Variants in RBSN observed in about 807,000 individuals in gnomAD.
The protein encoded by RBSN is rabenosyn-5.
Under a neutral mutation model 60.5 loss-of-function variants are expected in RBSN, and 34 were observed. The observed-to-expected ratio is 0.56, with a 90% CI of 0.43 to 0.75. The LOEUF (loss-of-function observed/expected upper bound fraction) is 0.75, where lower values mean the gene tolerates loss of function less well. RBSN is among the 30% of genes least tolerant of loss of function. The pLI is 0.00. For missense variants in RBSN, 845 were observed against 986.8 expected (o/e 0.86, Z 1.92); for synonymous variants, 322 against 366.9 (o/e 0.88, Z 1.40).
chr3:15,077,629 C>G lies in RBSN; in HGVS notation c.998+446G>C, dbSNP rs1311329073. On this transcript the variant is annotated intron_variant, in intron 11 of 13. Coordinates refer to ENST00000253699, the MANE Select transcript of RBSN (RefSeq NM_022340.4). The surrounding 1 kb of genome is among the most constrained non-coding windows in gnomAD (Gnocchi z 4.4). ...CCTCTGAGTCACTGGCTAATTTAAC[C>G]CCAATGGCCAGTCCACAGTTAAAAA... Among the ~76,000 whole-genome samples the G allele has an allele frequency of 6.6e-6, 1 of 152,158 alleles. No individual in the cohort carries two copies. Among genetic ancestry groups the G allele is most frequent in the Admixed American group, 6.5e-5 (1 of 15,278 alleles).
At chr3:15,088,889 G>C (rs1286003070) in intron 5 of RBSN, among the ~76,000 whole-genome samples, 1 of 152,154 alleles carries the variant, frequency 6.6e-6, no homozygotes, top group African/African-American at 2.4e-5. Context: ...CAGCACAGTT[G>C]TAGGACTTTC....
chr3:15,088,372 T>C (rs545647160), intron 5 of RBSN, among the ~76,000 whole-genome samples: 8 of 149,340 alleles, frequency 5.4e-5, no homozygotes, highest in Non-Finnish European at 1.0e-4. Context: ...TACATATGTA[T>C]AGTATTATTA....
intron 13 of RBSN, 180 bp from the exon 14 acceptor site, chr3:15,075,110 G>A (rs944268434): frequency 4.2e-6 from 3 of 721,878 alleles, no homozygotes; most frequent in African/African-American, 1.8e-5. Context: ...TGGGCGGAAG[G>A]GAGACCCTGA....
At position 15,085,976 on chromosome 3, in the gene RBSN, G is replaced by A; in HGVS notation, c.290-15C>T. 3 of 1,605,302 alleles carry A rather than the reference G, an allele frequency of 1.9e-6. No homozygotes were observed. Among genetic ancestry groups the A allele is most frequent in the Non-Finnish European group, 2.6e-6 (3 of 1,174,082 alleles). ...TCTCACAGCACCTAGAGGGAAGGAA[G>A]GTAGGGAGACAAATGACTTATAGTT... On this transcript the variant is annotated splice_polypyrimidine_tract_variant and intron_variant, in intron 5 of 13. Coordinates refer to ENST00000253699, the MANE Select transcript of RBSN (RefSeq NM_022340.4).
chr3:15,087,447 T>C (rs142762551), intron 5 of RBSN, among the ~76,000 whole-genome samples: 125 of 152,248 alleles, frequency 8.2e-4, no homozygotes, highest in Non-Finnish European at 1.4e-3. Flanking sequence ...GAGGCAAAGG[T>C]TGCAGTGAGC....
intron 2 of RBSN, among the ~76,000 whole-genome samples, chr3:15,097,349 T>C (rs2043687706): frequency 6.6e-6 from 1 of 151,982 alleles, no homozygotes; most frequent in African/African-American, 2.4e-5. Context: ...ACCCTATCTC[T>C]ACTAAAAATA....
Position 15,080,788 on chromosome 3 carries a change from G to A in RBSN, c.855C>T (p.Cys285=). 6.2e-7 allele frequency: 1 copy of A among 1,614,046 alleles called. No homozygotes were observed. The highest frequency in any genetic ancestry group is 8.5e-7 in the Non-Finnish European group (1 of 1,179,976). Residue 285 remains cysteine (C), a synonymous_variant, in exon 10 of 14, where the codon TGC becomes TGT. Transcript: ENST00000253699. ...IVKLYEKLRL[C]MEKVDQKAPE... is the part of the protein sequence containing the mutation. ...GAGCTTTCTGGTCAACTTTCTCCAT[G>A]CAAAGTCGTAATTTCTAAGAACAAA... is the stretch of plus-strand genomic sequence containing the variant.
At chr3:15,089,478 C>G (rs7429028) in intron 5 of RBSN, among the ~76,000 whole-genome samples, 1 of 79,264 alleles carries the variant, frequency 1.3e-5, no homozygotes. Context: ...AAAAAAAAAA[C>G]AAAAAAAAAA....
At chr3:15,078,349 G>A (rs534458366) in intron 10 of RBSN, among the ~76,000 whole-genome samples, 188 bp from the exon 11 acceptor site, 4 of 152,244 alleles carry the variant, frequency 2.6e-5, no homozygotes, top group Admixed American at 6.5e-5. Flanking sequence ...GTGATGTTTC[G>A]ATTTGCAGAC....
In RBSN at chr3:15,084,193, A is replaced by G. The variant is rs1036349080; in HGVS notation, c.598+542T>C. On this transcript the variant is annotated intron_variant, in intron 8 of 13. Coordinates refer to ENST00000253699, the MANE Select transcript of RBSN (RefSeq NM_022340.4). The surrounding 1 kb of genome is among the most constrained non-coding windows in gnomAD (Gnocchi z 4.2). ...AAGTGCAGTGGCTCAATCTCAGCTC[A>G]CTGCAGCCTTCACCTCCCAGGTTCA... Among the ~76,000 whole-genome samples, 2 of 152,140 alleles carry G rather than the reference A, an allele frequency of 1.3e-5. No individual in the cohort carries two copies. Among genetic ancestry groups the G allele is most frequent in the Admixed American group, 1.3e-4 (2 of 15,274 alleles).
intron 5 of RBSN, among the ~76,000 whole-genome samples, chr3:15,089,475 AAAC>A: frequency 2.7e-5 from 3 of 111,238 alleles, no homozygotes; most frequent in African/African-American, 1.4e-4. Context: ...AAAAAAAAAA[AAAC>A]AAAAAAAAAA....
At position 15,082,303 on chromosome 3, in the gene RBSN, T is replaced by C. The variant is rs1321510856; in HGVS notation, c.840+64A>G. The C allele has an allele frequency of 1.3e-6, 2 of 1,571,620 alleles. No individual in the cohort carries two copies. The highest frequency in any genetic ancestry group is 1.3e-5 in the African/African-American group (1 of 74,196). ...AAGCATTCTCCAGAATCTGCAGGAG[T>C]GTACATAACAAACAGCCAAATCTGC... On this transcript the variant is annotated intron_variant, in intron 9 of 13. Coordinates refer to ENST00000253699, the MANE Select transcript of RBSN (RefSeq NM_022340.4). The surrounding 1 kb of genome is among the most constrained non-coding windows in gnomAD (Gnocchi z 4.2).
rs2125189201 is a variant in RBSN at position 15,096,148 on chromosome 3, G to A, written c.-28C>T. 1.3e-6 allele frequency: 2 copies of A among 1,530,034 alleles called. No individual in the cohort carries two copies. The highest frequency in any genetic ancestry group is 1.8e-6 in the Non-Finnish European group (2 of 1,142,400). The allele number at this position is 1,530,034 out of a possible 1,614,324, so 94.8% of individuals were successfully genotyped here. ...CAGTGCCGCTCTCAACCCTAGGAAG[G>A]CAGGAATCTCATGCCAAGAGTCAGC... is the stretch of plus-strand genomic sequence containing the variant. On this transcript the variant is annotated 5_prime_UTR_variant, in exon 4 of 14. Transcript: ENST00000253699.
chr3:15,082,283 T>C lies in RBSN; in HGVS notation c.840+84A>G. 6.6e-7 allele frequency: 1 copy of C among 1,521,882 alleles called. No homozygotes were observed. Among genetic ancestry groups the C allele is most frequent in the Non-Finnish European group, 9.0e-7 (1 of 1,115,768 alleles). The allele number at this position is 1,521,882 out of a possible 1,614,324, so 94.3% of individuals were successfully genotyped here. A position where few individuals can be genotyped will look rare whatever the true frequency, so the allele number is the denominator to read the frequency against. ...TTCAAACGAACAACTTCCCAAAGCA[T>C]TCTCCAGAATCTGCAGGAGTGTACA... On this transcript the variant is annotated intron_variant, in intron 9 of 13. Coordinates refer to ENST00000253699, the MANE Select transcript of RBSN (RefSeq NM_022340.4). The surrounding 1 kb of genome is among the most constrained non-coding windows in gnomAD (Gnocchi z 4.2).
Position 15,084,871 on chromosome 3 carries a change from C to T in RBSN, c.462G>A (p.Trp154Ter). 1.2e-6 allele frequency: 2 copies of T among 1,613,764 alleles called. No homozygotes were observed. Among genetic ancestry groups the T allele is most frequent in the Non-Finnish European group, 1.7e-6 (2 of 1,179,852 alleles). The change falls in exon 8 of 14, where the codon TGG (tryptophan) becomes TGA (stop). Residue 154 changes from tryptophan (W) to a stop codon, truncating the protein, a stop_gained. Coordinates refer to ENST00000253699, the MANE Select transcript of RBSN (RefSeq NM_022340.4). LOFTEE classifies it high-confidence loss of function. The surrounding 1 kb of genome is among the most constrained non-coding windows in gnomAD (Gnocchi z 4.2). ...IRAIEKSVVPWVNDQDVPFCP... is the reference protein window; with the variant it reads ...IRAIEKSVVP ...AGAAAGGGACATCCTGGTCGTTGACCCAAGGCACCACAGACTTTTCTATTG... is the reference window on the plus strand; with the variant it reads ...AGAAAGGGACATCCTGGTCGTTGACTCAAGGCACCACAGACTTTTCTATTG...
At position 15,080,744 on chromosome 3, in the gene RBSN, G is replaced by A. The variant is rs1165785535; in HGVS notation, c.899C>T (p.Ala300Val). ...DQKAPEYIRM[A>V]ASLNAGETTY... ...ATGAATAGCTTACTTTAATGATGCT[G>A]CCATCCTGATGTATTCTGGAGCTTT... The change falls in exon 10 of 14, where the codon GCA (alanine) becomes GTA (valine). Residue 300 changes from alanine (A) to valine (V), a missense_variant. Transcript: ENST00000253699. 1.9e-6 allele frequency: 3 copies of A among 1,614,042 alleles called. No homozygotes were observed. Among genetic ancestry groups the A allele is most frequent in the South Asian group, 1.1e-5 (1 of 91,070 alleles).
chr3:15,083,714 GC>G (rs1483899994), intron 8 of RBSN, among the ~76,000 whole-genome samples: 1 of 151,976 alleles, frequency 6.6e-6, no homozygotes, highest in Non-Finnish European at 1.5e-5. Context: ...CTGTCCCTGA[GC>G]CCACAGCACT....
chr3:15,084,774 A>G lies in RBSN; in HGVS notation c.559T>C (p.Cys187Arg). Residue 187 changes from cysteine to arginine, a missense_variant, in exon 8 of 14, where the codon TGC becomes CGC. Transcript: ENST00000253699. This position sits in a 1 kb window ranked among gnomAD's most constrained non-coding sequence, Gnocchi z 4.2. ...HHCRLCGSIM[C>R]KKCMELISLP... ...CTGATGAGCTCCATACACTTCTTGC[A>G]CATAATAGACCCGCAGAGGCGGCAG... The G allele has an allele frequency of 6.2e-7, 1 of 1,613,696 alleles. No individual in the cohort carries two copies. The highest frequency in any genetic ancestry group is 8.5e-7 in the Non-Finnish European group (1 of 1,179,830).
chr3:15,092,539 G>A (rs1012941760), intron 4 of RBSN, among the ~76,000 whole-genome samples: 5 of 152,122 alleles, frequency 3.3e-5, no homozygotes, highest in African/African-American at 1.2e-4. Context: ...CTCCCGAGTA[G>A]CTGAAATTAC....
Sources: allele counts gnomAD v4.1 joint callset (sites outside exome capture counted in the v4.1 genomes callset), GRCh38; gene constraint gnomAD v4.1.1; non-coding constraint Gnocchi (gnomAD v3.1); transcripts MANE v1.5; gene names NCBI Gene and HGNC (gene_info 2026-07-23, HGNC 2026-07-21).